Variants in KDM4B observed in about 807,000 individuals in gnomAD.
KDM4B encodes the protein lysine-specific demethylase 4B.
Under a neutral mutation model 125.2 loss-of-function variants are expected in KDM4B, and 32 were observed. That is an observed-to-expected ratio of 0.26 (90% CI 0.19 to 0.34). KDM4B has a LOEUF of 0.34. KDM4B is among the 10% of genes least tolerant of loss of function. The probability of loss-of-function intolerance (pLI) is 1.00; values close to 1 mark genes in which losing one functional copy is unlikely to be tolerated. For missense variants in KDM4B, 1,190 were observed against 1,577.7 expected, an observed-to-expected ratio of 0.75 and a Z score of 4.16; for synonymous variants, 721 against 677.9, an observed-to-expected ratio of 1.06 and a Z score of -0.99.
intron 9 of KDM4B, among the ~76,000 whole-genome samples, chr19:5,098,940 G>T (rs2038879933): frequency 6.6e-6 from 1 of 152,368 alleles, no homozygotes; most frequent in East Asian, 1.9e-4. Context: ...TAAGACAAAA[G>T]GTTCATTCCA....
intron 2 of KDM4B, among the ~76,000 whole-genome samples, chr19:5,018,704 C>G (rs752501996): frequency 1.3e-5 from 2 of 152,218 alleles, no homozygotes; most frequent in Admixed American, 6.5e-5. Flanking sequence ...CTCTGTCCCC[C>G]TCAGCAGTTG....
Position 5,047,914 on chromosome 19 carries a change from C to A in KDM4B, c.626+245C>A, listed in dbSNP as rs75282391. On this transcript the variant is annotated intron_variant, in intron 6 of 22. Coordinates refer to ENST00000159111, the MANE Select transcript of KDM4B (RefSeq NM_015015.3). ...AGCTTGCGCTTTGTACCCCGGAGTG[C>A]CCCCCATTGAGCTGTGAGCGGCCCC... Among the ~76,000 whole-genome samples the A allele has an allele frequency of 4.6e-5, 7 of 152,302 alleles. No homozygotes were observed. In the East Asian group the frequency reaches 1.2e-3, roughly 25 times the overall value.
At chr19:5,028,009 C>G (rs555595049) in intron 2 of KDM4B, among the ~76,000 whole-genome samples, 1 of 152,166 alleles carries the variant, frequency 6.6e-6, no homozygotes, top group African/African-American at 2.4e-5. Flanking sequence ...GGGTCTTGCT[C>G]TGTTGCCCAG....
At chr19:5,105,222 A>G (rs2039012163) in intron 9 of KDM4B, among the ~76,000 whole-genome samples, 1 of 152,234 alleles carries the variant, frequency 6.6e-6, no homozygotes, top group Non-Finnish European at 1.5e-5. Flanking sequence ...GCTTCCCGGC[A>G]GGGGCAGTCA....
At chr19:5,012,334 T>G (rs931278911) in intron 1 of KDM4B, among the ~76,000 whole-genome samples, 6 of 152,258 alleles carry the variant, frequency 3.9e-5, no homozygotes, top group African/African-American at 1.4e-4. Flanking sequence ...GGGAACATCC[T>G]GCCTGTTGTG....
chr19:5,050,068 C>G (rs2037170967), intron 6 of KDM4B, among the ~76,000 whole-genome samples: 1 of 152,226 alleles, frequency 6.6e-6, no homozygotes, highest in African/African-American at 2.4e-5. Flanking sequence ...AAGGCTGCGC[C>G]CCGTCTGTCT....
intron 21 of KDM4B, among the ~76,000 whole-genome samples, chr19:5,148,966 G>C (rs111671531): frequency 6.6e-6 from 1 of 152,200 alleles, no homozygotes; most frequent in Non-Finnish European, 1.5e-5. Flanking sequence ...CCCAGGACAC[G>C]GCCCAGAGGC....
intron 2 of KDM4B, among the ~76,000 whole-genome samples, chr19:5,017,841 C>T (rs577713440): frequency 3.3e-5 from 5 of 149,390 alleles, no homozygotes; most frequent in South Asian, 2.1e-4. Context: ...CCCGGGTTCA[C>T]GCCATTCTCC....
At chr19:5,045,829 C>G (rs1294062828) in intron 5 of KDM4B, among the ~76,000 whole-genome samples, 12 of 152,196 alleles carry the variant, frequency 7.9e-5, no homozygotes, top group Admixed American at 7.8e-4. Context: ...AGGCTGGTCT[C>G]AAGCTCCTGA....
Position 5,081,606 on chromosome 19 carries a change from G to A in KDM4B, c.781-761G>A, listed in dbSNP as rs987567115. On this transcript the variant is annotated intron_variant, in intron 8 of 22. Coordinates refer to ENST00000159111, the MANE Select transcript of KDM4B (RefSeq NM_015015.3). The surrounding 1 kb of genome is among the most constrained non-coding windows in gnomAD (Gnocchi z 4.2). ...AGAGACCTGCAAAGTCGAATGGGCC[G>A]AACATCCGAATTGGACCTGGGTCTG... 5.3e-5 allele frequency among the ~76,000 whole-genome samples: 8 copies of A among 152,132 alleles called. No homozygotes were observed. The highest frequency in any genetic ancestry group is 1.2e-4 in the Non-Finnish European group (8 of 68,014).
At chr19:5,069,397 C>T (rs2037875647) in intron 6 of KDM4B, among the ~76,000 whole-genome samples, 1 of 151,926 alleles carries the variant, frequency 6.6e-6, no homozygotes, top group African/African-American at 2.4e-5. Flanking sequence ...GCAACCTCCA[C>T]TTCCTGGATT....
intron 11 of KDM4B, among the ~76,000 whole-genome samples, chr19:5,128,563 C>G (rs1158864236): frequency 6.6e-6 from 1 of 152,182 alleles, no homozygotes; most frequent in Non-Finnish European, 1.5e-5. Context: ...GCTGTTTGTC[C>G]TCAAGTGCCT....
chr19:5,027,198 C>T (rs1386295927), intron 2 of KDM4B, among the ~76,000 whole-genome samples: 2 of 152,254 alleles, frequency 1.3e-5, no homozygotes, highest in Admixed American at 6.5e-5. Flanking sequence ...GGTTGCCCTG[C>T]GTCTGTTTCC....
At chr19:5,116,438 A>G (rs184746303) in intron 10 of KDM4B, among the ~76,000 whole-genome samples, 1 of 152,310 alleles carries the variant, frequency 6.6e-6, no homozygotes, top group Admixed American at 6.5e-5. Flanking sequence ...TTAGACACAC[A>G]GAGTCTCGTA....
intron 11 of KDM4B, among the ~76,000 whole-genome samples, chr19:5,128,126 C>T (rs950180553): frequency 5.3e-5 from 8 of 151,932 alleles, no homozygotes; most frequent in African/African-American, 1.2e-4. Flanking sequence ...GAGGACAGCC[C>T]GGCTCTGTGT....
At chr19:5,140,852 C>T (rs2039729475) in intron 18 of KDM4B, 1 of 152,256 alleles carries the variant, frequency 6.6e-6, no homozygotes, top group Non-Finnish European at 1.5e-5. Context: ...GCACTCCGGC[C>T]TCTGCACACG....
intron 1 of KDM4B, among the ~76,000 whole-genome samples, chr19:5,015,786 T>C (rs751718506): frequency 1.3e-5 from 2 of 152,248 alleles, no homozygotes; most frequent in African/African-American, 4.8e-5. Flanking sequence ...TGTCCAGGAC[T>C]AAGTTCAACG....
chr19:5,053,072 A>T (rs1206091196), intron 6 of KDM4B, among the ~76,000 whole-genome samples: 1 of 152,240 alleles, frequency 6.6e-6, no homozygotes, highest in East Asian at 1.9e-4. Context: ...TGAGCTGAGC[A>T]CTGGGTTGAA....
chr19:5,072,248 G>A (rs564161160), intron 7 of KDM4B, among the ~76,000 whole-genome samples: 5 of 152,264 alleles, frequency 3.3e-5, no homozygotes, highest in East Asian at 1.9e-4. Flanking sequence ...GGGAAATAAG[G>A]GTCTCCTGTC....
Sources: allele counts gnomAD v4.1 joint callset (sites outside exome capture counted in the v4.1 genomes callset), GRCh38; gene constraint gnomAD v4.1.1; non-coding constraint Gnocchi (gnomAD v3.1); transcripts MANE v1.5; gene names NCBI Gene and HGNC (gene_info 2026-07-23, HGNC 2026-07-21).